The following IDE variants were observed in gnomAD, a reference collection of about 807,000 sequenced individuals.
The protein encoded by IDE is insulin degrading enzyme.
Under a neutral mutation model 133.2 loss-of-function variants are expected in IDE, and 58 were observed. The observed-to-expected ratio is 0.44, with a 90% CI of 0.35 to 0.54. The LOEUF (loss-of-function observed/expected upper bound fraction) is 0.54, where lower values mean the gene tolerates loss of function less well. IDE is among the 20% of genes least tolerant of loss of function. The pLI, the probability that IDE is intolerant of heterozygous loss-of-function variation, is 0.00. For synonymous variants in IDE, 396 were observed against 421.3 expected (o/e 0.94, Z 0.73); for missense variants, 981 against 1,234.0 (o/e 0.79, Z 3.07).
chr10:92,570,450 G>A (rs1198709184), intron 1 of IDE, among the ~76,000 whole-genome samples: 1 of 152,132 alleles, frequency 6.6e-6, no homozygotes, highest in Non-Finnish European at 1.5e-5. Flanking sequence ...AAAACAGACT[G>A]AAGACAAGCC....
chr10:92,571,636 G>A (rs1313211494), intron 1 of IDE, among the ~76,000 whole-genome samples: 1 of 152,190 alleles, frequency 6.6e-6, no homozygotes, highest in Non-Finnish European at 1.5e-5. Flanking sequence ...GCTGAACACA[G>A]AACAAGGAGG....
intron 18 of IDE, 68 bp from the exon 19 acceptor site, chr10:92,469,058 G>A (rs1845833626): frequency 1.1e-6 from 1 of 877,484 alleles, no homozygotes; most frequent in Admixed American, 2.0e-5. Context: ...AAATAAACTG[G>A]CTTTGTTTAT....
At chr10:92,554,810 G>GCAC (rs1463965731) in intron 1 of IDE, 8 of 151,794 alleles carry the variant, frequency 5.3e-5, no homozygotes, top group East Asian at 3.9e-4. Context: ...TCTCACCACT[G>GCAC]TACTCTTGCA....
intron 19 of IDE, among the ~76,000 whole-genome samples, chr10:92,466,611 C>G (rs573512332): frequency 1.0e-4 from 15 of 143,796 alleles, no homozygotes; most frequent in Non-Finnish European, 2.0e-4. Context: ...GCCACCACGC[C>G]TGGCCCTTTT....
At chr10:92,569,836 G>A (rs1378995852) in intron 1 of IDE, among the ~76,000 whole-genome samples, 5 of 152,126 alleles carry the variant, frequency 3.3e-5, no homozygotes, top group African/African-American at 9.7e-5. Context: ...TATTCCGAGC[G>A]CAGTGGCTCA....
intron 3 of IDE, 38 bp downstream of exon 3, chr10:92,534,540 A>G: frequency 8.7e-7 from 1 of 1,154,304 alleles, no homozygotes; most frequent in Non-Finnish European, 1.3e-6. Context: ...TGTGATAAGT[A>G]CACAAAGTTG....
intron 1 of IDE, among the ~76,000 whole-genome samples, chr10:92,551,099 G>T (rs1430384301): frequency 2.0e-5 from 3 of 152,170 alleles, no homozygotes; most frequent in Non-Finnish European, 4.4e-5. Context: ...ACAGATATTT[G>T]TACAGCTATG....
chr10:92,544,986 G>A (rs1335561420), intron 1 of IDE, among the ~76,000 whole-genome samples: 2 of 152,088 alleles, frequency 1.3e-5, no homozygotes, highest in Non-Finnish European at 2.9e-5. Context: ...AGAAAAAAGA[G>A]AAGAAAATCA....
chr10:92,476,266 C>G (rs1846248177), intron 15 of IDE, among the ~76,000 whole-genome samples: 1 of 151,896 alleles, frequency 6.6e-6, no homozygotes, highest in Non-Finnish European at 1.5e-5. Flanking sequence ...CTCAGCCTCC[C>G]AGGTTCAGGC....
At chr10:92,495,882 GTTTTT>G (rs532013461) in intron 11 of IDE, among the ~76,000 whole-genome samples, 1 of 143,756 alleles carries the variant, frequency 7.0e-6, no homozygotes, top group African/African-American at 2.5e-5. Context: ...TTTTTTAAGT[GTTTTT>G]TTTTTTTGAG....
intron 1 of IDE, among the ~76,000 whole-genome samples, chr10:92,540,802 A>T (rs1728245424): frequency 6.6e-6 from 1 of 152,192 alleles, no homozygotes; most frequent in Non-Finnish European, 1.5e-5. Context: ...TAACCACCTC[A>T]ACTATAAGCT....
intron 24 of IDE, 143 bp downstream of exon 24, chr10:92,455,433 A>G (rs189144800): frequency 3.6e-5 from 22 of 610,148 alleles, no homozygotes; most frequent in Middle Eastern, 9.1e-4. Flanking sequence ...CTGAGCTGAG[A>G]TCGCACCACT....
At chr10:92,560,531 C>T (rs533973769) in intron 1 of IDE, among the ~76,000 whole-genome samples, 11 of 152,150 alleles carry the variant, frequency 7.2e-5, no homozygotes. Flanking sequence ...ACCTGTAATC[C>T]CAGCACTTCG....
At chr10:92,477,723 A>G (rs1846354146) in intron 15 of IDE, among the ~76,000 whole-genome samples, 1 of 152,234 alleles carries the variant, frequency 6.6e-6, no homozygotes, top group South Asian at 2.1e-4. Context: ...TTTGTCATAA[A>G]TAAAAATTAT....
At chr10:92,534,871 G>C in intron 2 of IDE, 86 bp from the exon 3 acceptor site, 1 of 893,598 alleles carries the variant, frequency 1.1e-6, no homozygotes, top group Non-Finnish European at 1.8e-6. Flanking sequence ...TTGTTAGCAT[G>C]ACAACTCCAA....
chr10:92,507,064 A>G (rs1027492315), intron 9 of IDE, among the ~76,000 whole-genome samples: 1 of 151,806 alleles, frequency 6.6e-6, no homozygotes, highest in Non-Finnish European at 1.5e-5. Context: ...CCCTTTTTTA[A>G]AAGGCTTTTA....
At chr10:92,456,289 T>A in intron 23 of IDE, 70 bp downstream of exon 23, 1 of 1,012,694 alleles carries the variant, frequency 9.9e-7, no homozygotes, top group African/African-American at 1.6e-5. Flanking sequence ...CTATAAGGCA[T>A]GTAGCTATGA....
chr10:92,515,037 T>G lies in IDE; in HGVS notation c.667A>C (p.Lys223Gln). The G allele has an allele frequency of 6.3e-7, 1 of 1,591,910 alleles. No individual in the cohort carries two copies. The highest frequency in any genetic ancestry group is 8.5e-7 in the Non-Finnish European group (1 of 1,171,116). The change falls in exon 5 of 25, where the codon AAA (lysine) becomes CAA (glutamine). Residue 223 changes from lysine to glutamine, a missense_variant. By Grantham distance (53) the Lys-to-Gln change is moderately conservative. Around this residue, in one of 2 missense-constraint regions of IDE, gnomAD observed 321 missense variants for 339.3 expected, o/e 0.95. Coordinates refer to ENST00000265986, the MANE Select transcript of IDE (RefSeq NM_004969.4). ...TTTGGTCTAGTCTCCAGAGTATATT[T>G]GTTACCTGGAAGGGAAGAAAAGGGA... is the stretch of plus-strand genomic sequence containing the variant. ...HPFSKFGTGN[K>Q]YTLETRPNQE...
At chr10:92,560,860 C>A (rs1036381652) in intron 1 of IDE, among the ~76,000 whole-genome samples, 1 of 152,172 alleles carries the variant, frequency 6.6e-6, no homozygotes, top group African/African-American at 2.4e-5. Flanking sequence ...GATAGCTCCA[C>A]TTACTTTCCT....
Sources: gnomAD v4.1 joint callset for allele counts (sites outside exome capture counted in the v4.1 genomes callset) on GRCh38, gnomAD v4.1.1 for gene constraint, gnomAD v4.1.1 regional missense constraint, MANE v1.5 for transcripts, NCBI Gene and HGNC (gene_info 2026-07-23, HGNC 2026-07-21) for gene names.